The following MANF variants were observed in gnomAD, a reference collection of about 807,000 sequenced individuals.
The protein encoded by MANF is mesencephalic astrocyte-derived neurotrophic factor.
MANF carries 9 observed loss-of-function variants against 19.1 expected under a neutral mutation model. That is an observed-to-expected ratio of 0.47 (90% CI 0.28 to 0.82). The LOEUF is 0.82. MANF is among the 40% of genes least tolerant of loss of function. The pLI, the probability that MANF is intolerant of heterozygous loss-of-function variation, is 0.10. For synonymous variants in MANF, 89 were observed against 88.0 expected (o/e 1.01, Z -0.06); for missense variants, 225 against 226.7 (o/e 0.99, Z 0.05).
Position 51,389,132 on chromosome 3 carries a change from A to ACT in MANF, c.*43_*44insCT. The ACT allele has an allele frequency of 6.4e-7, 1 of 1,556,584 alleles. No individual in the cohort carries two copies. Among genetic ancestry groups the ACT allele is most frequent in the East Asian group, 2.3e-5 (1 of 43,844 alleles). On this transcript the variant is annotated 3_prime_UTR_variant, in exon 4 of 4. Transcript: ENST00000528157. ...GCACCTGAGGGGGAAAAAACAGTTC[A>ACT]ACTGCTTACTCCCAAAACAGCCTTT...
At chr3:51,385,675 C>T (rs2088945255) in intron 1 of MANF, 2 of 366,548 alleles carry the variant, frequency 5.5e-6, no homozygotes, top group Non-Finnish European at 9.7e-6. Flanking sequence ...CCGTTGAAAA[C>T]TTGTCCTGAA....
Position 51,386,178 on chromosome 3 carries a change from C to T in MANF, c.95-30C>T, listed in dbSNP as rs782337566. Reference sequence around the variant, plus strand: ...GTGGATTGGAACAGCTTGGTGATTGCTGAGCATCTCCCGTCCCTCTCTTTT... The same window carrying T: ...GTGGATTGGAACAGCTTGGTGATTGTTGAGCATCTCCCGTCCCTCTCTTTT... On this transcript the variant is annotated intron_variant, in intron 1 of 3. Coordinates refer to ENST00000528157, the MANE Select transcript of MANF (RefSeq NM_006010.6). The T allele has an allele frequency of 4.3e-6, 7 of 1,611,088 alleles. No individual in the cohort carries two copies. The African/African-American group carries it at 6.7e-5, about 15-fold the overall frequency.
At chr3:51,387,370 T>C (rs2088972548) in intron 2 of MANF, among the ~76,000 whole-genome samples, 1 of 151,966 alleles carries the variant, frequency 6.6e-6, no homozygotes, top group Non-Finnish European at 1.5e-5. Flanking sequence ...GCAGGGAGAA[T>C]TGCTTGAACC....
chr3:51,386,881 C>T, intron 2 of MANF: 1 of 456,746 alleles, frequency 2.2e-6, no homozygotes, highest in South Asian at 1.5e-5. Context: ...ATTTCTCTGA[C>T]AGTCTCTGGC....
intron 2 of MANF, 55 bp downstream of exon 2, chr3:51,386,390 TCAC>T: frequency 6.2e-7 from 1 of 1,601,870 alleles, no homozygotes; most frequent in Non-Finnish European, 8.5e-7. Context: ...ACCCTCGGCT[TCAC>T]CAGCCGTTTG....
rs1553620779 is a variant in MANF, at chr3:51,385,680, C to T, written c.94+244C>T. On this transcript the variant is annotated intron_variant, in intron 1 of 3. Coordinates refer to ENST00000528157, the MANE Select transcript of MANF (RefSeq NM_006010.6). The stretch of plus-strand genomic sequence containing the variant: ...AGACTAGATCCCGTTGAAAACTTGT[C>T]CTGAAATCTCCATCACTCCTGAGTT... The T allele has an allele frequency of 1.9e-5, 7 of 362,892 alleles. No homozygotes were observed. The South Asian group carries it at 4.4e-4, about 23-fold the overall frequency. The allele number at this position is 362,892 out of a possible 1,614,324, so 22.5% of individuals were successfully genotyped here. A position where few individuals can be genotyped will look rare whatever the true frequency, so the allele number is the denominator to read the frequency against.
At chr3:51,386,817 A>G in intron 2 of MANF, 1 of 455,768 alleles carries the variant, frequency 2.2e-6, no homozygotes, top group South Asian at 1.6e-5. Context: ...CAGGATAGGC[A>G]AGGGCCGAAT....
intron 2 of MANF, chr3:51,387,060 T>C: frequency 2.4e-6 from 1 of 412,878 alleles, no homozygotes; most frequent in Non-Finnish European, 4.9e-6. Context: ...CGGTGGCTCA[T>C]GCCTGTCTTC....
chr3:51,388,821 G>A (rs891039406), intron 3 of MANF, 84 bp from the exon 4 acceptor site: 14 of 1,083,054 alleles, frequency 1.3e-5, no homozygotes, highest in African/African-American at 3.2e-5. Flanking sequence ...TGGTTTGGCC[G>A]TTCAGGGAGT....
intron 2 of MANF, chr3:51,386,926 A>C (rs1553620971): frequency 2.2e-6 from 1 of 456,598 alleles, no homozygotes; most frequent in Non-Finnish European, 4.4e-6. Flanking sequence ...CCCTGGTGAC[A>C]CTTAAATTCA....
chr3:51,386,461 A>C, intron 2 of MANF, 126 bp downstream of exon 2: 2 of 1,007,846 alleles, frequency 2.0e-6, no homozygotes, highest in African/African-American at 1.6e-5. Context: ...CCATAAACTA[A>C]TGTGAGAAGA....
At position 51,389,183 on chromosome 3, in the gene MANF, C is replaced by T. The variant is rs2088996869; in HGVS notation, c.*94C>T. ...TTGTAATTTATTTTTTAAGTGGGCT[C>T]CTGACAATACTGTATCAGATGTGAA... On this transcript the variant is annotated 3_prime_UTR_variant, in exon 4 of 4. Coordinates refer to ENST00000528157, the MANE Select transcript of MANF (RefSeq NM_006010.6). 9.3e-7 allele frequency: 1 copy of T among 1,072,938 alleles called. No homozygotes were observed. The highest frequency in any genetic ancestry group is 1.4e-6 in the Non-Finnish European group (1 of 733,578). 66.5% of individuals were successfully genotyped at this position (1,072,938 alleles called of 1,614,324 possible).
chr3:51,386,114 C>T lies in MANF; in HGVS notation c.95-94C>T, dbSNP rs2088956994. 2 of 1,334,036 alleles carry T rather than the reference C, an allele frequency of 1.5e-6. 1 individual carries two copies. The allele number at this position is 1,334,036 out of a possible 1,614,324, so 82.6% of individuals were successfully genotyped here. On this transcript the variant is annotated intron_variant, in intron 1 of 3. Transcript: ENST00000528157. Reference sequence around the variant, plus strand: ...AAGCTCACCTCTAATGATTCATCTCCGTGTCTCCTATTAAAATTGCTGGCG... The same window carrying T: ...AAGCTCACCTCTAATGATTCATCTCTGTGTCTCCTATTAAAATTGCTGGCG...
At chr3:51,387,542 G>A (rs2088974248) in intron 2 of MANF, 195 bp from the exon 3 acceptor site, 2 of 530,534 alleles carry the variant, frequency 3.8e-6, no homozygotes, top group South Asian at 2.3e-5. Context: ...GGCTGAGAGG[G>A]GAGGATCACC....
rs782190264 is a variant in MANF at position 51,389,011 on chromosome 3, G to A, written c.471G>A (p.Lys157=). Residue 157 remains lysine, a synonymous_variant, in exon 4 of 4, where the codon AAG becomes AAA. Transcript: ENST00000528157. ...AGACATGCAAAGGCTGTGCAGAAAA[G>A]TCTGACTACATCCGGAAGATAAATG... ...WGETCKGCAE[K]SDYIRKINEL... 1.9e-6 allele frequency: 3 copies of A among 1,611,524 alleles called. No homozygotes were observed. The highest frequency in any genetic ancestry group is 1.7e-6 in the Non-Finnish European group (2 of 1,178,858).
Position 51,385,451 on chromosome 3 carries a change from G to T in MANF, c.94+15G>T. 4.1e-6 allele frequency: 5 copies of T among 1,224,888 alleles called. No individual in the cohort carries two copies. The highest frequency in any genetic ancestry group is 5.1e-6 in the Non-Finnish European group (5 of 982,050). The allele number at this position is 1,224,888 out of a possible 1,614,324, so 75.9% of individuals were successfully genotyped here. ...CGACTGCGAAGGTGCGGGATAGGGG[G>T]CCGGGGGCCGCGCTCCGTGACCGTT... is the stretch of plus-strand genomic sequence containing the variant. On this transcript the variant is annotated intron_variant, in intron 1 of 3. Transcript: ENST00000528157.
At chr3:51,388,175 G>A (rs1163790797) in intron 3 of MANF, among the ~76,000 whole-genome samples, 1 of 152,220 alleles carries the variant, frequency 6.6e-6, no homozygotes, top group Non-Finnish European at 1.5e-5. Flanking sequence ...GAGCATTGCA[G>A]GCTGGTGAGG....
chr3:51,385,513 G>T (rs1424233539), intron 1 of MANF, 77 bp downstream of exon 1: 4 of 821,686 alleles, frequency 4.9e-6, no homozygotes, highest in Admixed American at 8.9e-5. Context: ...ATCACCAGAC[G>T]GCCGGGGCCA....
chr3:51,389,163 A>G lies in MANF; in HGVS notation c.*74A>G, dbSNP rs898360173. On this transcript the variant is annotated 3_prime_UTR_variant, in exon 4 of 4. Transcript: ENST00000528157. The stretch of plus-strand genomic sequence containing the variant: ...TTACTCCCAAAACAGCCTTTTTGTA[A>G]TTTATTTTTTAAGTGGGCTCCTGAC... 2 of 1,381,308 alleles carry G rather than the reference A, an allele frequency of 1.4e-6. No homozygotes were observed. Among genetic ancestry groups the G allele is most frequent in the Non-Finnish European group, 2.0e-6 (2 of 1,007,568 alleles). 85.6% of individuals were successfully genotyped at this position (1,381,308 alleles called of 1,614,324 possible).
Sources: allele counts gnomAD v4.1 joint callset (sites outside exome capture counted in the v4.1 genomes callset), GRCh38; gene constraint gnomAD v4.1.1; transcripts MANE v1.5; gene names NCBI Gene and HGNC (gene_info 2026-07-23, HGNC 2026-07-21).